DOCK9: variants seen among roughly 807,000 people sequenced by gnomAD.
DOCK9 encodes dedicator of cytokinesis protein 9.
In DOCK9, 89 loss-of-function variants were observed where a neutral mutation model predicts 263.3. The observed-to-expected ratio is 0.34, with a 90% CI of 0.28 to 0.40. The LOEUF is 0.40. Ranked by LOEUF, DOCK9 falls within the 10% of genes least tolerant of loss-of-function variation. The pLI is 1.00. For missense variants in DOCK9, 2,140 were observed against 2,603.4 expected (o/e 0.82, Z 3.87); for synonymous variants, 976 against 973.1 (o/e 1.00, Z -0.06).
At chr13:98,907,899 T>C (rs1378075427) in intron 9 of DOCK9, among the ~76,000 whole-genome samples, 1 of 152,186 alleles carries the variant, frequency 6.6e-6, no homozygotes, top group East Asian at 1.9e-4. Flanking sequence ...TAATAGCCAA[T>C]ATCTACCTGC....
intron 9 of DOCK9, among the ~76,000 whole-genome samples, chr13:98,911,469 T>C (rs1448721131): frequency 6.6e-6 from 1 of 152,174 alleles, no homozygotes; most frequent in African/African-American, 2.4e-5. Flanking sequence ...ATATACATAA[T>C]AGCACACTAA....
At chr13:98,962,206 T>C (rs1178781395) in intron 1 of DOCK9, among the ~76,000 whole-genome samples, 3 of 152,198 alleles carry the variant, frequency 2.0e-5, no homozygotes, top group Non-Finnish European at 2.9e-5. Flanking sequence ...CCTAAAACTA[T>C]AGGGAAGTAG....
intron 1 of DOCK9, among the ~76,000 whole-genome samples, chr13:99,031,224 A>C (rs1337044737): frequency 6.6e-6 from 1 of 152,214 alleles, no homozygotes; most frequent in East Asian, 1.9e-4. Context: ...CATTGTGCCA[A>C]GGAAATGTCT....
At chr13:98,922,602 G>C (rs574127725) in intron 5 of DOCK9, among the ~76,000 whole-genome samples, 1 of 152,320 alleles carries the variant, frequency 6.6e-6, no homozygotes, top group East Asian at 1.9e-4. Flanking sequence ...GGAGGAAATT[G>C]AGGCAATACA....
At chr13:98,992,027 C>A (rs181256718) in intron 1 of DOCK9, among the ~76,000 whole-genome samples, 77 of 152,092 alleles carry the variant, frequency 5.1e-4, no homozygotes, top group Non-Finnish European at 6.5e-4. Flanking sequence ...TGGAAGACCA[C>A]CGCATGTACA....
intron 38 of DOCK9, among the ~76,000 whole-genome samples, chr13:98,839,578 A>T (rs1455820584): frequency 6.6e-6 from 1 of 152,242 alleles, no homozygotes; most frequent in Non-Finnish European, 1.5e-5. Context: ...CAATTTTAAC[A>T]AGGAACTGGC....
At chr13:98,942,850 A>C (rs1367674350) in intron 2 of DOCK9, among the ~76,000 whole-genome samples, 1 of 151,958 alleles carries the variant, frequency 6.6e-6, no homozygotes. Context: ...GACGTAACAC[A>C]ATGGAAGTAT....
rs750763315 is a variant in DOCK9, at chr13:98,915,444, G to C, written c.777C>G (p.Leu259=). 6.2e-6 allele frequency: 10 copies of C among 1,613,910 alleles called. No homozygotes were observed. Among genetic ancestry groups the C allele is most frequent in the South Asian group, 2.2e-5 (2 of 91,064 alleles). ...ELKMQDKSSY[L]LAADSEVEME... ...TTTCCACTTCACTGTCTGCTGCCAAGAGATAACTACTTTTGTCCTGCATCT... is the reference window on the plus strand; with the variant it reads ...TTTCCACTTCACTGTCTGCTGCCAACAGATAACTACTTTTGTCCTGCATCT... The change falls in exon 8 of 53, where the codon CTC becomes CTG. Residue 259 remains leucine (L), a synonymous_variant. Coordinates refer to ENST00000682017, the MANE Select transcript of DOCK9 (RefSeq NM_001366683.2).
At chr13:99,069,764 A>C (rs2041588195) in intron 1 of DOCK9, among the ~76,000 whole-genome samples, 1 of 152,226 alleles carries the variant, frequency 6.6e-6, no homozygotes, top group African/African-American at 2.4e-5. Context: ...CTTTCCAAAA[A>C]ATATGTTTAA....
At chr13:98,878,796 G>A (rs897598978) in intron 27 of DOCK9, among the ~76,000 whole-genome samples, 12 of 152,188 alleles carry the variant, frequency 7.9e-5, no homozygotes, top group African/African-American at 2.7e-4. Context: ...GGAAAAGGAG[G>A]GCTTTAGGCC....
At chr13:99,086,285 G>A (rs1424390998) in exon 1 of DOCK9, 2 of 1,495,270 alleles carry the variant, frequency 1.3e-6, no homozygotes, top group Non-Finnish European at 1.8e-6. Flanking sequence ...GCCGTGCCCG[G>A]CTTACTCAGC....
intron 1 of DOCK9, among the ~76,000 whole-genome samples, chr13:98,997,957 C>T (rs1881423737): frequency 6.6e-6 from 1 of 152,188 alleles, no homozygotes; most frequent in African/African-American, 2.4e-5. Context: ...TCTGTAAAAG[C>T]CCTGAGGATT....
intron 9 of DOCK9, among the ~76,000 whole-genome samples, chr13:98,913,441 T>C (rs963349806): frequency 6.6e-6 from 1 of 152,048 alleles, no homozygotes; most frequent in Non-Finnish European, 1.5e-5. Flanking sequence ...ATGAAAATAA[T>C]AGAACAGCTA....
intron 1 of DOCK9, among the ~76,000 whole-genome samples, chr13:98,975,794 G>A (rs1349450937): frequency 2.0e-5 from 3 of 152,086 alleles, no homozygotes; most frequent in African/African-American, 7.2e-5. Flanking sequence ...ACATTTAAAC[G>A]TCTCTAGGTA....
intron 1 of DOCK9, among the ~76,000 whole-genome samples, chr13:98,987,452 C>T (rs1878730814): frequency 6.6e-6 from 1 of 152,188 alleles, no homozygotes; most frequent in Admixed American, 6.5e-5. Flanking sequence ...TCCACTGGCC[C>T]ATCTACAAAG....
At chr13:99,086,390 C>A in exon 1 of DOCK9, 4 of 1,064,372 alleles carry the variant, frequency 3.8e-6, no homozygotes, top group Non-Finnish European at 4.5e-6. Context: ...CCTGCTCCCG[C>A]GGCCCGGCCC....
At position 98,829,848 on chromosome 13, in the gene DOCK9, C is replaced by G; in HGVS notation, c.4636-92G>C. ...GTTCAGTTAGGATGTGCCTAAGGAC[C>G]CAGCAAAGTGGGGGTTGGGGGGTGC... On this transcript the variant is annotated intron_variant, in intron 41 of 52. Transcript: ENST00000682017. The surrounding 1 kb of genome is among the most constrained non-coding windows in gnomAD (Gnocchi z 4.1). 9.1e-7 allele frequency: 1 copy of G among 1,104,756 alleles called. No homozygotes were observed. The highest frequency in any genetic ancestry group is 1.3e-6 in the Non-Finnish European group (1 of 747,620). The allele number at this position is 1,104,756 out of a possible 1,614,324, so 68.4% of individuals were successfully genotyped here.
At chr13:98,999,316 A>ACACACTCT in intron 1 of DOCK9, among the ~76,000 whole-genome samples, 3 of 138,288 alleles carry the variant, frequency 2.2e-5, no homozygotes, top group Non-Finnish European at 4.6e-5. Flanking sequence ...ACACACACAC[A>ACACACTCT]CTCTCTCTCT....
At chr13:98,913,736 T>C (rs1595253654) in intron 9 of DOCK9, among the ~76,000 whole-genome samples, 1 of 152,190 alleles carries the variant, frequency 6.6e-6, no homozygotes, top group Non-Finnish European at 1.5e-5. Context: ...TTTAAGAATA[T>C]GGAAGCTAAA....
Sources: gnomAD v4.1 joint callset for allele counts (sites outside exome capture counted in the v4.1 genomes callset) on GRCh38, gnomAD v4.1.1 for gene constraint, Gnocchi (gnomAD v3.1) non-coding constraint, MANE v1.5 for transcripts, NCBI Gene and HGNC (gene_info 2026-07-23, HGNC 2026-07-21) for gene names.